TAOK1: variants seen among roughly 807,000 people sequenced by gnomAD.
TAOK1 encodes the protein serine/threonine-protein kinase TAO1.
In TAOK1, 21 loss-of-function variants were observed where a neutral mutation model predicts 138.3. The observed-to-expected ratio is 0.15, with a 90% confidence interval of 0.11 to 0.22. The LOEUF (loss-of-function observed/expected upper bound fraction) is 0.22, where lower values mean the gene tolerates loss of function less well. TAOK1 is among the 10% of genes least tolerant of loss of function. TAOK1 has a pLI of 1.00. For missense variants in TAOK1, 651 were observed against 1,227.7 expected (o/e 0.53, Z 7.02); for synonymous variants, 361 against 398.4 (o/e 0.91, Z 1.12).
intron 1 of TAOK1, among the ~76,000 whole-genome samples, chr17:29,395,751 G>A (rs909577658): frequency 8.0e-5 from 12 of 149,326 alleles, no homozygotes; most frequent in African/African-American, 2.2e-4. Flanking sequence ...TCAGCCTCCC[G>A]GGTTCAAGTG....
chr17:29,530,854 A>G, intron 18 of TAOK1: 5 of 544,614 alleles, frequency 9.2e-6, no homozygotes, highest in East Asian at 3.2e-5. Flanking sequence ...CCCTGCCAGC[A>G]CAGATCCTAA....
chr17:29,443,885 C>T (rs1467739615), intron 1 of TAOK1, among the ~76,000 whole-genome samples: 2 of 151,906 alleles, frequency 1.3e-5, no homozygotes, highest in African/African-American at 4.8e-5. Context: ...GAGGCCGAAG[C>T]GGGCAGATTA....
chr17:29,496,309 G>A (rs947989598), intron 11 of TAOK1, among the ~76,000 whole-genome samples: 1 of 151,866 alleles, frequency 6.6e-6, no homozygotes, highest in African/African-American at 2.4e-5. Context: ...GTAGAGACGG[G>A]GTTTCACCGC....
At chr17:29,508,354 A>G (rs1408953854) in intron 14 of TAOK1, among the ~76,000 whole-genome samples, 1 of 152,218 alleles carries the variant, frequency 6.6e-6, no homozygotes, top group Non-Finnish European at 1.5e-5. Flanking sequence ...TGTGTGGGTC[A>G]TTTAAAACAA....
At chr17:29,453,695 A>G (rs1009674415) in intron 2 of TAOK1, among the ~76,000 whole-genome samples, 6 of 149,992 alleles carry the variant, frequency 4.0e-5, no homozygotes, top group East Asian at 4.0e-4. Context: ...TCCTGCCTCA[A>G]CCTCTCGAGT....
intron 3 of TAOK1, among the ~76,000 whole-genome samples, chr17:29,472,649 C>G (rs2030850507): frequency 6.6e-6 from 1 of 151,356 alleles, no homozygotes; most frequent in Non-Finnish European, 1.5e-5. Context: ...TCTCGGCTCA[C>G]CGCAACCTCC....
chr17:29,518,614 A>G (rs12936194), intron 16 of TAOK1, among the ~76,000 whole-genome samples: 24,139 of 152,174 alleles, frequency 0.16, 2,049 homozygotes, highest in Admixed American at 0.21. Context: ...CCTCACTACA[A>G]TGGAAGTTTT....
chr17:29,414,517 T>C (rs1278111749), intron 1 of TAOK1, among the ~76,000 whole-genome samples: 1 of 152,094 alleles, frequency 6.6e-6, no homozygotes, highest in Admixed American at 6.6e-5. Flanking sequence ...CCCAAAGTGC[T>C]GGGATTACAG....
chr17:29,540,330 C>T (rs914162783), intron 19 of TAOK1, among the ~76,000 whole-genome samples: 12 of 150,674 alleles, frequency 8.0e-5, no homozygotes, highest in African/African-American at 2.2e-4. Context: ...TAGAGCAAAC[C>T]GTTCAATACT....
In TAOK1 at chr17:29,422,650, A is replaced by G. The variant is rs1315357280; in HGVS notation, c.-94-28805A>G. 2.0e-5 allele frequency among the ~76,000 whole-genome samples: 3 copies of G among 152,206 alleles called. No individual in the cohort carries two copies. The East Asian group carries it at 5.8e-4, about 29-fold the overall frequency. On this transcript the variant is annotated intron_variant, in intron 1 of 19. Coordinates refer to ENST00000261716, the MANE Select transcript of TAOK1 (RefSeq NM_020791.4). ...TTATTTTAATGTTGATAGCGTCTGT[A>G]GTGGTATCACCTCTTTAATTCCTGA... is the stretch of plus-strand genomic sequence containing the variant.
At chr17:29,519,665 A>T (rs957981556) in intron 16 of TAOK1, among the ~76,000 whole-genome samples, 1 of 152,242 alleles carries the variant, frequency 6.6e-6, no homozygotes, top group Non-Finnish European at 1.5e-5. Context: ...AAATTAAAAC[A>T]GTTGCATCCA....
At chr17:29,490,867 T>C (rs557694881) in intron 9 of TAOK1, among the ~76,000 whole-genome samples, 10 of 152,294 alleles carry the variant, frequency 6.6e-5, no homozygotes, top group African/African-American at 2.2e-4. Flanking sequence ...GGAGAAACAT[T>C]GTGTCCTCAC....
At chr17:29,472,661 C>T (rs1401162510) in intron 3 of TAOK1, among the ~76,000 whole-genome samples, 24 of 151,758 alleles carry the variant, frequency 1.6e-4, no homozygotes. Flanking sequence ...GCAACCTCCG[C>T]CCCGCTGGGT....
At chr17:29,450,046 T>C (rs1047450571) in intron 1 of TAOK1, among the ~76,000 whole-genome samples, 8 of 151,890 alleles carry the variant, frequency 5.3e-5, no homozygotes, top group Non-Finnish European at 8.8e-5. Context: ...CTTTCCCTTT[T>C]CTTTTCTTTC....
chr17:29,523,546 C>A (rs1391766326), intron 17 of TAOK1, among the ~76,000 whole-genome samples: 2 of 152,134 alleles, frequency 1.3e-5, no homozygotes, highest in Non-Finnish European at 2.9e-5. Context: ...TGCCACCACG[C>A]CCGGCTAATT....
chr17:29,541,755 G>A (rs1490049360), intron 19 of TAOK1, among the ~76,000 whole-genome samples: 4 of 150,834 alleles, frequency 2.7e-5, no homozygotes, highest in South Asian at 2.1e-4. Context: ...CAGCCCAGGC[G>A]ACAGTGCAAG....
intron 1 of TAOK1, among the ~76,000 whole-genome samples, chr17:29,410,086 G>A (rs766199791): frequency 6.6e-6 from 1 of 152,184 alleles, no homozygotes; most frequent in Non-Finnish European, 1.5e-5. Flanking sequence ...TGTATGTGGT[G>A]TAAAGTGGTG....
intron 1 of TAOK1, among the ~76,000 whole-genome samples, chr17:29,447,759 C>T (rs930380104): frequency 7.3e-5 from 11 of 151,322 alleles, no homozygotes; most frequent in Admixed American, 4.6e-4. Context: ...TGGGTTCAAG[C>T]GATTCTCCTG....
Position 29,525,101 on chromosome 17 carries a change from T to G in TAOK1, c.2148+2582T>G, listed in dbSNP as rs1441783175. On this transcript the variant is annotated intron_variant, in intron 17 of 19. Coordinates refer to ENST00000261716, the MANE Select transcript of TAOK1 (RefSeq NM_020791.4). The stretch of plus-strand genomic sequence containing the variant: ...AGTATTCCTGGCACAATGTTTGTTT[T>G]TTTTGTTTTGTTTTGTTTTGTTTTG... Among the ~76,000 whole-genome samples, 11 of 151,908 alleles carry G rather than the reference T, an allele frequency of 7.2e-5. 1 individual carries two copies. The South Asian group carries it at 1.9e-3, about 26-fold the overall frequency.
Sources: allele counts gnomAD v4.1 joint callset (sites outside exome capture counted in the v4.1 genomes callset), GRCh38; gene constraint gnomAD v4.1.1; transcripts MANE v1.5; gene names NCBI Gene and HGNC (gene_info 2026-07-23, HGNC 2026-07-21).